VEPH1: variants seen among roughly 807,000 people sequenced by gnomAD.
VEPH1 encodes ventricular zone expressed PH domain containing 1.
In VEPH1, 80 loss-of-function variants were observed where a neutral mutation model predicts 85.2. The observed-to-expected ratio is 0.94, with a 90% confidence interval of 0.78 to 1.13. The LOEUF (loss-of-function observed/expected upper bound fraction) is 1.13, where lower values mean the gene tolerates loss of function less well. Among genes scored for constraint, VEPH1 ranks in the 50% most tolerant of loss-of-function variants. VEPH1 has a pLI of 0.00. For missense variants in VEPH1, 955 were observed against 980.5 expected, an observed-to-expected ratio of 0.97 and a Z score of 0.35; for synonymous variants, 297 against 348.0, an observed-to-expected ratio of 0.85 and a Z score of 1.63.
At chr3:157,345,519 G>A (rs1724114050) in intron 9 of VEPH1, among the ~76,000 whole-genome samples, 1 of 152,306 alleles carries the variant, frequency 6.6e-6, no homozygotes, top group African/African-American at 2.4e-5. Flanking sequence ...TAATTAAAAA[G>A]TCAGGAAACA....
chr3:157,305,551 GTGTT>G (rs1178848383), intron 11 of VEPH1, among the ~76,000 whole-genome samples: 3 of 151,998 alleles, frequency 2.0e-5, no homozygotes, highest in African/African-American at 4.8e-5. Flanking sequence ...AATACTTTTT[GTGTT>G]TGTTTATCTT....
chr3:157,443,103 G>C, intron 4 of VEPH1: 1 of 1,171,510 alleles, frequency 8.5e-7, no homozygotes, highest in Non-Finnish European at 1.2e-6. Flanking sequence ...AGAGAGTTGA[G>C]ACCAATCTTT....
chr3:157,304,038 T>TATATATATATATATATATATATATATAC lies in VEPH1; in HGVS notation c.2010+9582_2010+9583insGTATATATATATATATATATATATATAT. Among the ~76,000 whole-genome samples, 256 of 96,802 alleles carry TATATATATATATATATATATATATATAC rather than the reference T, an allele frequency of 2.6e-3. 3 individuals carry two copies. Among genetic ancestry groups the TATATATATATATATATATATATATATAC allele is most frequent in the East Asian group, 0.013 (34 of 2,700 alleles). The allele number at this position is 96,802 out of a possible 152,430, so 63.5% of individuals were successfully genotyped here. A position where few individuals can be genotyped will look rare whatever the true frequency, so the allele number is the denominator to read the frequency against. On this transcript the variant is annotated intron_variant, in intron 11 of 13. Coordinates refer to ENST00000362010, the MANE Select transcript of VEPH1 (RefSeq NM_001167912.2). ...CTTATATTTTTTATATATATATATA[T>TATATATATATATATATATATATATATAC]ACACACATACTGTTACATCTTATAT...
At chr3:157,328,719 C>T (rs1466396528) in intron 9 of VEPH1, among the ~76,000 whole-genome samples, 4 of 152,098 alleles carry the variant, frequency 2.6e-5, no homozygotes, top group African/African-American at 9.7e-5. Context: ...AGAAATGTTG[C>T]AGGAATGCCA....
intron 4 of VEPH1, among the ~76,000 whole-genome samples, chr3:157,456,184 CTT>C (rs1256012730): frequency 6.6e-6 from 1 of 152,012 alleles, no homozygotes; most frequent in African/African-American, 2.4e-5. Context: ...TGAAAAGTGT[CTT>C]TTCATGTCCT....
At chr3:157,313,208 T>C (rs1303216259) in intron 11 of VEPH1, among the ~76,000 whole-genome samples, 1 of 149,408 alleles carries the variant, frequency 6.7e-6, no homozygotes, top group Non-Finnish European at 1.5e-5. Context: ...CCGGCCAACA[T>C]TTTTTTTTTA....
At chr3:157,338,560 T>C (rs1723196198) in intron 9 of VEPH1, among the ~76,000 whole-genome samples, 1 of 152,234 alleles carries the variant, frequency 6.6e-6, no homozygotes, top group Non-Finnish European at 1.5e-5. Context: ...ATCAAATGTT[T>C]GAAAATACCA....
chr3:157,353,481 C>T (rs1251494256), intron 9 of VEPH1, among the ~76,000 whole-genome samples: 2 of 151,992 alleles, frequency 1.3e-5, no homozygotes, highest in Non-Finnish European at 2.9e-5. Context: ...TGCGCAGGCT[C>T]TTCTTGAAGT....
intron 2 of VEPH1, 118 bp downstream of exon 2, chr3:157,495,094 C>T (rs1739553147): frequency 1.9e-6 from 2 of 1,043,418 alleles, no homozygotes; most frequent in Non-Finnish European, 1.4e-6. Context: ...TTAAGAGAGA[C>T]CAATATTAGT....
chr3:157,474,502 T>A (rs1030398859), intron 2 of VEPH1, among the ~76,000 whole-genome samples: 1 of 152,246 alleles, frequency 6.6e-6, no homozygotes, highest in Non-Finnish European at 1.5e-5. Flanking sequence ...TAACTCTCTT[T>A]CTGTAACTTT....
chr3:157,376,701 G>T (rs1728160724), intron 7 of VEPH1, among the ~76,000 whole-genome samples: 1 of 152,164 alleles, frequency 6.6e-6, no homozygotes, highest in South Asian at 2.1e-4. Context: ...AATTTATTCA[G>T]TCATTTGGCA....
intron 6 of VEPH1, among the ~76,000 whole-genome samples, chr3:157,406,192 T>C (rs751992252): frequency 2.2e-4 from 33 of 152,204 alleles, no homozygotes; most frequent in Non-Finnish European, 4.6e-4. Flanking sequence ...CAACCAAGGT[T>C]TAAGAAAATG....
intron 1 of VEPH1, among the ~76,000 whole-genome samples, chr3:157,496,238 A>G (rs1039076340): frequency 2.7e-4 from 41 of 152,340 alleles, no homozygotes; most frequent in African/African-American, 9.9e-4. Flanking sequence ...TTGAAGTAAT[A>G]AAGTCCCACT....
intron 11 of VEPH1, among the ~76,000 whole-genome samples, chr3:157,298,222 G>C (rs1253302117): frequency 6.6e-6 from 1 of 152,200 alleles, no homozygotes; most frequent in East Asian, 1.9e-4. Flanking sequence ...CTATGAGGGA[G>C]GTGGATTCTT....
At position 157,342,491 on chromosome 3, in the gene VEPH1, C is replaced by T. The variant is rs150002405; in HGVS notation, c.1735+20873G>A. Among the ~76,000 whole-genome samples, 42 of 152,278 alleles carry T rather than the reference C, an allele frequency of 2.8e-4. 1 individual carries two copies. Among genetic ancestry groups the T allele is most frequent in the African/African-American group, 9.4e-4 (39 of 41,574 alleles). The stretch of plus-strand genomic sequence containing the variant: ...AGAAGAGCTAACTATCCTAAATATA[C>T]ATGCATCCAATACATGAGCACTCAG... On this transcript the variant is annotated intron_variant, in intron 9 of 13. Transcript: ENST00000362010.
chr3:157,352,131 C>A (rs971542239), intron 9 of VEPH1, among the ~76,000 whole-genome samples: 2 of 152,222 alleles, frequency 1.3e-5, no homozygotes, highest in African/African-American at 4.8e-5. Flanking sequence ...ACTTAGTACA[C>A]TTTTATTTAT....
intron 5 of VEPH1, among the ~76,000 whole-genome samples, chr3:157,423,659 A>G (rs1732523306): frequency 6.6e-6 from 1 of 152,136 alleles, no homozygotes; most frequent in East Asian, 1.9e-4. Flanking sequence ...ATCTCTGTTT[A>G]TGCCATTTGC....
chr3:157,313,485 T>C, intron 11 of VEPH1, 136 bp downstream of exon 11: 3 of 1,075,724 alleles, frequency 2.8e-6, no homozygotes, highest in Non-Finnish European at 3.9e-6. Context: ...AATAATTTCT[T>C]ACAAGTGTTT....
rs115144910 is a variant in VEPH1 at position 157,320,488 on chromosome 3, A to G, written c.1736-3287T>C. On this transcript the variant is annotated intron_variant, in intron 9 of 13. Transcript: ENST00000362010. Reference sequence around the variant, plus strand: ...TAATTCCAGATAGTATGTTTAGTTTATCTCAGTCATTGAAATATTACTTAT... The same window carrying G: ...TAATTCCAGATAGTATGTTTAGTTTGTCTCAGTCATTGAAATATTACTTAT... Among the ~76,000 whole-genome samples, 1,492 of 152,278 alleles carry G rather than the reference A, an allele frequency of 9.8e-3. 22 individuals are homozygous for G. Among genetic ancestry groups the G allele is most frequent in the African/African-American group, 0.034 (1,416 of 41,560 alleles).
Sources: gnomAD v4.1 joint callset for allele counts (sites outside exome capture counted in the v4.1 genomes callset) on GRCh38, gnomAD v4.1.1 for gene constraint, MANE v1.5 for transcripts, NCBI Gene and HGNC (gene_info 2026-07-23, HGNC 2026-07-21) for gene names.